SLC10A7: variants seen among roughly 807,000 people sequenced by gnomAD.
The protein encoded by SLC10A7 is solute carrier family 10 member 7.
A neutral mutation model predicts 43.2 loss-of-function variants in SLC10A7; 29 were observed. The ratio of observed to expected loss-of-function variants is 0.67; its 90% CI spans 0.50 to 0.92. The LOEUF (loss-of-function observed/expected upper bound fraction) is 0.92, where lower values mean the gene tolerates loss of function less well. Ranked by LOEUF, SLC10A7 falls within the 40% of genes least tolerant of loss-of-function variation. The pLI, the probability that SLC10A7 is intolerant of heterozygous loss-of-function variation, is 0.00. For synonymous variants in SLC10A7, 152 were observed against 144.8 expected (o/e 1.05, Z -0.35); for missense variants, 295 against 403.2 (o/e 0.73, Z 2.30).
At chr4:146,402,735 G>A (rs777031776) in intron 5 of SLC10A7, among the ~76,000 whole-genome samples, 1 of 152,128 alleles carries the variant, frequency 6.6e-6, no homozygotes, top group Non-Finnish European at 1.5e-5. Context: ...ACTCCATTTC[G>A]CCTTGAAGAC....
chr4:146,462,841 A>C (rs529391260), intron 4 of SLC10A7, among the ~76,000 whole-genome samples: 4 of 152,132 alleles, frequency 2.6e-5, no homozygotes, highest in Non-Finnish European at 5.9e-5. Context: ...AACGTTTTAT[A>C]TCTGTAAGCG....
intron 5 of SLC10A7, among the ~76,000 whole-genome samples, chr4:146,338,108 T>C (rs1036642843): frequency 1.3e-5 from 2 of 151,708 alleles, no homozygotes; most frequent in African/African-American, 4.8e-5. Context: ...CATGCAATAA[T>C]TTTTTTTGCT....
intron 10 of SLC10A7, among the ~76,000 whole-genome samples, chr4:146,273,584 T>A (rs1485648370): frequency 6.6e-6 from 1 of 152,116 alleles, no homozygotes; most frequent in African/African-American, 2.4e-5. Context: ...AGAGTGAGCA[T>A]CCCCAAAATG....
intron 5 of SLC10A7, among the ~76,000 whole-genome samples, chr4:146,357,183 A>G (rs916711240): frequency 6.6e-6 from 1 of 152,222 alleles, no homozygotes; most frequent in African/African-American, 2.4e-5. Flanking sequence ...TTGCACATGT[A>G]TATTTCTGTA....
At chr4:146,260,068 C>T in intron 10 of SLC10A7, among the ~76,000 whole-genome samples, 1 of 152,166 alleles carries the variant, frequency 6.6e-6, no homozygotes, top group East Asian at 1.9e-4. Context: ...TTTTCACAGC[C>T]TCACATATCA....
At position 146,521,840 on chromosome 4, in the gene SLC10A7, G is replaced by A; in HGVS notation, c.-123C>T. On this transcript the variant is annotated 5_prime_UTR_variant, in exon 1 of 12. Transcript: ENST00000335472. ...TCCCTCCAGACATGCAGCAGAGCAA[G>A]TCAAATTGCCGATTGTAAAGTAAAG... 1.3e-6 allele frequency: 1 copy of A among 774,784 alleles called. No individual in the cohort carries two copies. Among genetic ancestry groups the A allele is most frequent in the Non-Finnish European group, 2.1e-6 (1 of 473,404 alleles). The allele number at this position is 774,784 out of a possible 1,614,324, so 48.0% of individuals were successfully genotyped here. A position where few individuals can be genotyped will look rare whatever the true frequency, so the allele number is the denominator to read the frequency against.
chr4:146,450,354 G>C (rs1731474859), intron 4 of SLC10A7, among the ~76,000 whole-genome samples: 1 of 152,146 alleles, frequency 6.6e-6, no homozygotes, highest in Non-Finnish European at 1.5e-5. Context: ...TATACAGGAA[G>C]ATGTGCATTT....
intron 4 of SLC10A7, among the ~76,000 whole-genome samples, chr4:146,474,844 A>T (rs1420260209): frequency 6.6e-6 from 1 of 152,208 alleles, no homozygotes; most frequent in Non-Finnish European, 1.5e-5. Context: ...TACTAATTTT[A>T]AAATGTGCCT....
At chr4:146,401,591 T>C (rs754274132) in intron 5 of SLC10A7, among the ~76,000 whole-genome samples, 1 of 152,134 alleles carries the variant, frequency 6.6e-6, no homozygotes, top group Admixed American at 6.5e-5. Context: ...TTTTTCATGT[T>C]TTTTTTCAGG....
chr4:146,387,921 G>A, intron 5 of SLC10A7, among the ~76,000 whole-genome samples: 1 of 152,076 alleles, frequency 6.6e-6, no homozygotes, highest in Non-Finnish European at 1.5e-5. Flanking sequence ...AAAGAAACCA[G>A]AGATGACACC....
chr4:146,446,903 C>T (rs1212828583), intron 4 of SLC10A7, among the ~76,000 whole-genome samples: 1 of 152,070 alleles, frequency 6.6e-6, no homozygotes, highest in Non-Finnish European at 1.5e-5. Flanking sequence ...ATTGCTGACA[C>T]AAGTACGATT....
intron 4 of SLC10A7, among the ~76,000 whole-genome samples, 155 bp from the exon 5 acceptor site, chr4:146,442,976 G>C (rs568840221): frequency 6.6e-6 from 1 of 152,202 alleles, no homozygotes; most frequent in Admixed American, 6.5e-5. Context: ...ATTGCCAGTG[G>C]CCTGTAGTTT....
intron 10 of SLC10A7, among the ~76,000 whole-genome samples, chr4:146,264,617 T>C (rs1402727622): frequency 6.6e-6 from 1 of 152,176 alleles, no homozygotes; most frequent in African/African-American, 2.4e-5. Flanking sequence ...GTCCTAACCA[T>C]GTTGGCTTTC....
intron 10 of SLC10A7, among the ~76,000 whole-genome samples, chr4:146,265,118 C>T (rs948606021): frequency 1.3e-5 from 2 of 152,220 alleles, no homozygotes; most frequent in Non-Finnish European, 2.9e-5. Context: ...CTACTGGATG[C>T]TAAGTGCTCT....
intron 5 of SLC10A7, among the ~76,000 whole-genome samples, chr4:146,350,172 C>T (rs1396684009): frequency 1.9e-4 from 27 of 143,212 alleles, no homozygotes; most frequent in East Asian, 1.1e-3. Context: ...CCAGTGGGTG[C>T]GCGCACCGTG....
chr4:146,325,704 G>T (rs1560800016), intron 6 of SLC10A7, among the ~76,000 whole-genome samples: 2 of 152,120 alleles, frequency 1.3e-5, no homozygotes, highest in Non-Finnish European at 2.9e-5. Flanking sequence ...CCTGTGTCAT[G>T]GGGTCATTTA....
chr4:146,492,439 C>T (rs1317131384), intron 4 of SLC10A7, among the ~76,000 whole-genome samples: 1 of 152,056 alleles, frequency 6.6e-6, no homozygotes, highest in African/African-American at 2.4e-5. Context: ...AGAATCTTGG[C>T]TCACTACAAC....
chr4:146,311,256 G>A (rs1223170143), intron 6 of SLC10A7, among the ~76,000 whole-genome samples: 1 of 152,032 alleles, frequency 6.6e-6, no homozygotes, highest in Non-Finnish European at 1.5e-5. Context: ...ATAATATGGG[G>A]CAAACTAACC....
chr4:146,414,897 C>T (rs1403037367), intron 5 of SLC10A7, among the ~76,000 whole-genome samples: 1 of 152,036 alleles, frequency 6.6e-6, no homozygotes, highest in East Asian at 1.9e-4. Context: ...TCTTAATAGT[C>T]CCAGAATTAA....
Sources: allele counts gnomAD v4.1 joint callset (sites outside exome capture counted in the v4.1 genomes callset), GRCh38; gene constraint gnomAD v4.1.1; transcripts MANE v1.5; gene names NCBI Gene and HGNC (gene_info 2026-07-23, HGNC 2026-07-21).